SEMA5A: variants seen among roughly 807,000 people sequenced by gnomAD.
SEMA5A encodes semaphorin 5A.
SEMA5A carries 55 observed loss-of-function variants against 135.5 expected under a neutral mutation model. The observed-to-expected ratio is 0.41, with a 90% CI of 0.33 to 0.51. The LOEUF is 0.51. SEMA5A is among the 20% of genes least tolerant of loss of function. The pLI, the probability that SEMA5A is intolerant of heterozygous loss-of-function variation, is 0.37. For missense variants in SEMA5A, 1,290 were observed against 1,419.9 expected (o/e 0.91, Z 1.47); for synonymous variants, 580 against 546.5 (o/e 1.06, Z -0.85).
chr5:9,492,399 G>C (rs1159619572), intron 1 of SEMA5A, among the ~76,000 whole-genome samples: 1 of 152,148 alleles, frequency 6.6e-6, no homozygotes, highest in Non-Finnish European at 1.5e-5. Flanking sequence ...ACATCAGAGG[G>C]AGTTTTTCTA....
chr5:9,460,283 G>A (rs1383826155), intron 1 of SEMA5A, among the ~76,000 whole-genome samples: 1 of 152,124 alleles, frequency 6.6e-6, no homozygotes, highest in East Asian at 1.9e-4. Flanking sequence ...TAGAACAACT[G>A]TCAGTGAGTT....
At chr5:9,050,298 C>T (rs257098) in intron 21 of SEMA5A, 112 bp downstream of exon 21, 704,743 of 918,254 alleles carry the variant, frequency 0.77, 272,977 homozygotes, top group East Asian at 0.93. Context: ...TGACTTTCTC[C>T]GGTTTTTCAT....
intron 3 of SEMA5A, among the ~76,000 whole-genome samples, chr5:9,371,023 A>G (rs1254186640): frequency 6.6e-6 from 1 of 152,212 alleles, no homozygotes; most frequent in African/African-American, 2.4e-5. Context: ...TGGAAACACT[A>G]TTTTAAATCA....
chr5:9,170,413 T>C (rs1743851679), intron 11 of SEMA5A, among the ~76,000 whole-genome samples: 1 of 152,250 alleles, frequency 6.6e-6, no homozygotes, highest in Non-Finnish European at 1.5e-5. Context: ...TAGATGCAAA[T>C]ATATTAAGTC....
chr5:9,235,365 C>A (rs945750234), intron 6 of SEMA5A, among the ~76,000 whole-genome samples: 1 of 152,158 alleles, frequency 6.6e-6, no homozygotes, highest in Non-Finnish European at 1.5e-5. Flanking sequence ...CAGGGATTCC[C>A]GACCAGGTCA....
chr5:9,166,983 C>G (rs927897587), intron 11 of SEMA5A, among the ~76,000 whole-genome samples: 1 of 152,178 alleles, frequency 6.6e-6, no homozygotes, highest in Non-Finnish European at 1.5e-5. Context: ...AAATTACCCT[C>G]TAGCCCCCAG....
chr5:9,046,718 C>A (rs1182446336), intron 21 of SEMA5A, among the ~76,000 whole-genome samples: 1 of 152,200 alleles, frequency 6.6e-6, no homozygotes, highest in Non-Finnish European at 1.5e-5. Context: ...CTAAGCTGTG[C>A]TCCTTGGCTG....
At chr5:9,245,472 C>T (rs1748434993) in intron 5 of SEMA5A, among the ~76,000 whole-genome samples, 1 of 152,092 alleles carries the variant, frequency 6.6e-6, no homozygotes, top group Non-Finnish European at 1.5e-5. Flanking sequence ...TGAGTCATAA[C>T]ACCCTCGGTA....
At chr5:9,401,876 G>A (rs137996853) in intron 2 of SEMA5A, among the ~76,000 whole-genome samples, 1 of 152,154 alleles carries the variant, frequency 6.6e-6, no homozygotes, top group Non-Finnish European at 1.5e-5. Flanking sequence ...CTCTGAGAAG[G>A]TCAGCACACT....
chr5:9,290,273 G>A (rs1751014876), intron 5 of SEMA5A, among the ~76,000 whole-genome samples: 1 of 152,008 alleles, frequency 6.6e-6, no homozygotes, highest in Non-Finnish European at 1.5e-5. Context: ...TTATAGTTAA[G>A]CACTCCCATT....
At chr5:9,285,487 T>G (rs1750752489) in intron 5 of SEMA5A, among the ~76,000 whole-genome samples, 1 of 152,222 alleles carries the variant, frequency 6.6e-6, no homozygotes, top group Non-Finnish European at 1.5e-5. Context: ...TCTCTCAACA[T>G]ACTAACATAC....
chr5:9,263,137 T>G (rs1374666626), intron 5 of SEMA5A, among the ~76,000 whole-genome samples: 2 of 151,684 alleles, frequency 1.3e-5, no homozygotes, highest in African/African-American at 4.8e-5. Context: ...AAACCCACAA[T>G]GGTTCTGTGC....
At chr5:9,163,918 T>C (rs1160686300) in intron 11 of SEMA5A, among the ~76,000 whole-genome samples, 2 of 150,666 alleles carry the variant, frequency 1.3e-5, no homozygotes, top group African/African-American at 4.9e-5. Flanking sequence ...AAATTTCTGT[T>C]GTTTAAGCTG....
chr5:9,349,146 G>A (rs555227659), intron 3 of SEMA5A, among the ~76,000 whole-genome samples: 5 of 152,332 alleles, frequency 3.3e-5, no homozygotes, highest in African/African-American at 1.2e-4. Flanking sequence ...CTTGCTTGAA[G>A]AGAGGTCTAA....
intron 1 of SEMA5A, among the ~76,000 whole-genome samples, chr5:9,488,922 C>G (rs1734863182): frequency 6.6e-6 from 1 of 152,170 alleles, no homozygotes; most frequent in African/African-American, 2.4e-5. Flanking sequence ...ACACCATCTT[C>G]TTCTCAAAAG....
chr5:9,411,197 CT>C (rs1757095199), intron 2 of SEMA5A, among the ~76,000 whole-genome samples: 1 of 152,174 alleles, frequency 6.6e-6, no homozygotes, highest in African/African-American at 2.4e-5. Context: ...TTAGCATGTT[CT>C]TTGCTATGCC....
At chr5:9,045,869 T>G (rs993167333) in intron 21 of SEMA5A, 1 of 152,220 alleles carries the variant, frequency 6.6e-6, no homozygotes, top group Non-Finnish European at 1.5e-5. Context: ...TAGGATTGGC[T>G]CAAGTGATTT....
intron 2 of SEMA5A, among the ~76,000 whole-genome samples, chr5:9,400,076 C>T (rs1230828246): frequency 1.3e-5 from 2 of 152,190 alleles, no homozygotes; most frequent in African/African-American, 2.4e-5. Flanking sequence ...CCAAACACCA[C>T]ATGTTCTCAC....
chr5:9,394,921 A>G (rs1051725085), intron 2 of SEMA5A, among the ~76,000 whole-genome samples: 1 of 152,186 alleles, frequency 6.6e-6, no homozygotes, highest in African/African-American at 2.4e-5. Flanking sequence ...TTATCTATAG[A>G]TTAAAAATAG....
Sources: gnomAD v4.1 joint callset for allele counts (sites outside exome capture counted in the v4.1 genomes callset) on GRCh38, gnomAD v4.1.1 for gene constraint, MANE v1.5 for transcripts, NCBI Gene and HGNC (gene_info 2026-07-23, HGNC 2026-07-21) for gene names.